The following ZNF532 variants were observed in gnomAD, a reference collection of about 807,000 sequenced individuals.
The protein encoded by ZNF532 is zinc finger protein 532.
Under a neutral mutation model 89.3 loss-of-function variants are expected in ZNF532, and 22 were observed. The ratio of observed to expected loss-of-function variants is 0.25; its 90% CI spans 0.18 to 0.35. The LOEUF (loss-of-function observed/expected upper bound fraction) is 0.35. Ranked by LOEUF, ZNF532 falls within the 10% of genes least tolerant of loss-of-function variation. The pLI, the probability that ZNF532 is intolerant of heterozygous loss-of-function variation, is 1.00. For missense variants in ZNF532, 1,132 were observed against 1,643.4 expected (o/e 0.69, Z 5.38); for synonymous variants, 606 against 649.6 (o/e 0.93, Z 1.02).
At position 58,919,609 on chromosome 18, in the gene ZNF532, A is replaced by G; in HGVS notation, c.1322A>G (p.Lys441Arg). 1 of 1,614,122 alleles carries G rather than the reference A, an allele frequency of 6.2e-7. No individual in the cohort carries two copies. Among genetic ancestry groups the G allele is most frequent in the Non-Finnish European group, 8.5e-7 (1 of 1,180,020 alleles). The change falls in exon 3 of 10, where the codon AAA (lysine) becomes AGA (arginine). Residue 441 changes from lysine (K) to arginine (R), a missense_variant. This residue lies in a region of ZNF532 where 8 missense variants were observed against 41.3 expected (regional missense o/e 0.19). Transcript: ENST00000591808. This position sits in a 1 kb window ranked among gnomAD's most constrained non-coding sequence, Gnocchi z 6.1. ...NAVSPAELTP[K>R]QVTIKPVATA... Reference sequence around the variant, plus strand: ...GTTTCCCCTGCAGAGCTCACCCCCAAACAGGTCACAATCAAGCCTGTGGCT... The same window carrying G: ...GTTTCCCCTGCAGAGCTCACCCCCAGACAGGTCACAATCAAGCCTGTGGCT...
chr18:58,921,485 G>C (rs1314523011), intron 3 of ZNF532, among the ~76,000 whole-genome samples: 1 of 152,148 alleles, frequency 6.6e-6, no homozygotes, highest in African/African-American at 2.4e-5. Context: ...TTAAGATGGT[G>C]GTCCAGAAGT....
chr18:58,938,868 A>T (rs1484384711), intron 4 of ZNF532, among the ~76,000 whole-genome samples: 1 of 152,222 alleles, frequency 6.6e-6, no homozygotes, highest in African/African-American at 2.4e-5. Context: ...TGGAGATTTG[A>T]CATCCATTCT....
At chr18:58,954,366 T>TA in intron 7 of ZNF532, 2 of 607,756 alleles carry the variant, frequency 3.3e-6, no homozygotes, top group Non-Finnish European at 4.1e-6. Flanking sequence ...ATAAGGAATT[T>TA]AAAAAATACT....
At chr18:58,884,620 A>C (rs1212994762) in intron 2 of ZNF532, among the ~76,000 whole-genome samples, 1 of 152,210 alleles carries the variant, frequency 6.6e-6, no homozygotes, top group East Asian at 1.9e-4. Flanking sequence ...AGATGCTACT[A>C]AAAAGCATGG....
intron 5 of ZNF532, among the ~76,000 whole-genome samples, chr18:58,942,516 G>A (rs932832975): frequency 2.0e-5 from 3 of 151,968 alleles, no homozygotes; most frequent in East Asian, 1.9e-4. Flanking sequence ...TAAGTTAATC[G>A]CATGGATTCA....
intron 4 of ZNF532, among the ~76,000 whole-genome samples, chr18:58,936,575 T>G (rs2062492049): frequency 6.6e-6 from 1 of 152,236 alleles, no homozygotes; most frequent in Non-Finnish European, 1.5e-5. Context: ...TCTTTTGCCC[T>G]ACTCACAGAG....
intron 3 of ZNF532, among the ~76,000 whole-genome samples, chr18:58,926,846 A>G (rs2061568271): frequency 6.6e-6 from 1 of 152,178 alleles, no homozygotes; most frequent in African/African-American, 2.4e-5. Flanking sequence ...GATTTTTCAG[A>G]TATCAAAATA....
chr18:58,926,282 AG>A (rs1188134192), intron 3 of ZNF532: 1 of 152,134 alleles, frequency 6.6e-6, no homozygotes, highest in Non-Finnish European at 1.5e-5. Flanking sequence ...CTTAGCCAAA[AG>A]GCCGATAAAT....
At chr18:58,880,763 C>CGT (rs1555704697) in intron 2 of ZNF532, among the ~76,000 whole-genome samples, 2 of 119,690 alleles carry the variant, frequency 1.7e-5, no homozygotes, top group East Asian at 6.1e-4. Flanking sequence ...CGCGCGCGCA[C>CGT]GCGCGCGCGT....
chr18:58,919,385 T>C lies in ZNF532; in HGVS notation c.1098T>C (p.Ile366=), dbSNP rs2060856783. The change falls in exon 3 of 10, where the codon ATT becomes ATC. Residue 366 remains isoleucine (I), a synonymous_variant. Transcript: ENST00000591808. This position sits in a 1 kb window ranked among gnomAD's most constrained non-coding sequence, Gnocchi z 6.1. The part of the protein sequence containing the change: ...PAIPKVRIKT[I]KTSSGEIKRT... ...TCCCCAAAGTCCGCATAAAAACCAT[T>C]AAGACATCTTCTGGGGAAATCAAGA... is the stretch of plus-strand genomic sequence containing the variant. 6.2e-7 allele frequency: 1 copy of C among 1,614,060 alleles called. No homozygotes were observed. The highest frequency in any genetic ancestry group is 2.2e-5 in the East Asian group (1 of 44,898).
intron 7 of ZNF532, chr18:58,954,272 C>T: frequency 1.0e-6 from 1 of 987,220 alleles, no homozygotes; most frequent in Non-Finnish European, 1.2e-6. Context: ...CCAGTAGAAG[C>T]TCTGTAACTC....
At chr18:58,867,433 G>A (rs2056575914) in intron 2 of ZNF532, among the ~76,000 whole-genome samples, 1 of 152,186 alleles carries the variant, frequency 6.6e-6, no homozygotes, top group Non-Finnish European at 1.5e-5. Context: ...GCTCATCTTG[G>A]ATTGGAGCTT....
intron 2 of ZNF532, among the ~76,000 whole-genome samples, chr18:58,917,008 C>T (rs933100471): frequency 3.3e-5 from 5 of 152,196 alleles, no homozygotes; most frequent in East Asian, 3.8e-4. Context: ...TCTAGGAACA[C>T]GCATCTAAAT....
At chr18:58,950,539 A>G (rs1285625900) in intron 6 of ZNF532, among the ~76,000 whole-genome samples, 2 of 151,892 alleles carry the variant, frequency 1.3e-5, no homozygotes, top group African/African-American at 4.8e-5. Flanking sequence ...TGCCTGTGCT[A>G]TGCAGTTTTT....
At chr18:58,931,385 C>T (rs2061952313) in intron 3 of ZNF532, among the ~76,000 whole-genome samples, 1 of 152,144 alleles carries the variant, frequency 6.6e-6, no homozygotes, top group Non-Finnish European at 1.5e-5. Flanking sequence ...AATACATCCC[C>T]CAAACCCAGA....
chr18:58,863,439 T>G, upstream of ZNF532: 1 of 9,150 alleles, frequency 1.1e-4, no homozygotes, highest in Non-Finnish European at 2.6e-4. Flanking sequence ...CGGAGCTCCC[T>G]TCCCCCACCG....
chr18:58,919,986 G>A lies in ZNF532; in HGVS notation c.1699G>A (p.Val567Met). 5.0e-6 allele frequency: 8 copies of A among 1,613,692 alleles called. No individual in the cohort carries two copies. The highest frequency in any genetic ancestry group is 6.8e-6 in the Non-Finnish European group (8 of 1,179,754). ...NAAASQPPKK[V>M]SRVQVVSSLQ... ...AGCAGCCTCGCAACCCCCCAAAAAG[G>A]TGTCTCGAGTCCAGGTGGTGTCGTC... is the stretch of plus-strand genomic sequence containing the variant. Residue 567 changes from valine to methionine, a missense_variant, in exon 3 of 10, where the codon GTG becomes ATG. This residue lies in a region of ZNF532 where 97 missense variants were observed against 143.7 expected (regional missense o/e 0.68). Transcript: ENST00000591808. The surrounding 1 kb of genome is among the most constrained non-coding windows in gnomAD (Gnocchi z 6.1).
At chr18:58,950,721 TACAG>T (rs1477277323) in intron 6 of ZNF532, among the ~76,000 whole-genome samples, 27 of 152,232 alleles carry the variant, frequency 1.8e-4, no homozygotes, top group African/African-American at 6.3e-4. Flanking sequence ...ACTTTTGAGT[TACAG>T]ACACTCATTC....
chr18:58,961,497 G>A (rs1409867033), intron 7 of ZNF532, among the ~76,000 whole-genome samples: 7 of 152,082 alleles, frequency 4.6e-5, no homozygotes, highest in Middle Eastern at 3.2e-3. Flanking sequence ...GTCTTTACAC[G>A]CTCGTTATTC....
Sources: gnomAD v4.1 joint callset for allele counts (sites outside exome capture counted in the v4.1 genomes callset) on GRCh38, gnomAD v4.1.1 for gene constraint, gnomAD v4.1.1 regional missense constraint, Gnocchi (gnomAD v3.1) non-coding constraint, MANE v1.5 for transcripts, NCBI Gene and HGNC (gene_info 2026-07-23, HGNC 2026-07-21) for gene names.